Variants in EHMT1 observed in about 807,000 individuals in gnomAD.
The protein encoded by EHMT1 is histone-lysine N-methyltransferase EHMT1.
EHMT1 carries 15 observed loss-of-function variants against 147.2 expected under a neutral mutation model. The observed-to-expected ratio is 0.10, with a 90% confidence interval of 0.07 to 0.16. The LOEUF (loss-of-function observed/expected upper bound fraction) is 0.16, where lower values mean the gene tolerates loss of function less well. Among genes scored for constraint, EHMT1 ranks in the 10% least tolerant of loss-of-function variants. The pLI is 1.00. For synonymous variants in EHMT1, 795 were observed against 709.6 expected (o/e 1.12, Z -1.91); for missense variants, 1,587 against 1,772.4 (o/e 0.90, Z 1.88).
intron 3 of EHMT1, among the ~76,000 whole-genome samples, chr9:137,724,576 TCACA>T (rs1946405083): frequency 6.6e-6 from 1 of 152,252 alleles, no homozygotes; most frequent in Non-Finnish European, 1.5e-5. Flanking sequence ...AGAATTAGCC[TCACA>T]TGGCTATTTT....
intron 26 of EHMT1, 86 bp downstream of exon 26, chr9:137,834,610 C>G (rs1266177752): frequency 1.3e-6 from 2 of 1,598,770 alleles, no homozygotes; most frequent in East Asian, 4.5e-5. Flanking sequence ...CTGGGCTTGT[C>G]TCGGGTTTAT....
chr9:137,693,130 G>T (rs935745989), intron 1 of EHMT1, among the ~76,000 whole-genome samples: 29 of 152,248 alleles, frequency 1.9e-4, no homozygotes, highest in Admixed American at 1.8e-3. Flanking sequence ...TGTTAAACTC[G>T]TAGGGGAGAT....
chr9:137,817,191 G>T, intron 23 of EHMT1: 1 of 575,784 alleles, frequency 1.7e-6, no homozygotes, highest in Non-Finnish European at 3.1e-6. Flanking sequence ...TGGGGACACC[G>T]AGCCACGGCC....
At chr9:137,816,201 C>A in intron 23 of EHMT1, 139 bp downstream of exon 23, 1 of 765,878 alleles carries the variant, frequency 1.3e-6, no homozygotes, top group Admixed American at 2.0e-5. Flanking sequence ...CGACAAGTTA[C>A]CTGAGCCCTT....
At chr9:137,754,347 C>G in intron 8 of EHMT1, 56 bp downstream of exon 8, 1 of 1,607,394 alleles carries the variant, frequency 6.2e-7, no homozygotes. Context: ...GGGATGGTGC[C>G]AGGAGGCCCA....
chr9:137,743,123 G>T, intron 4 of EHMT1: 1 of 480,126 alleles, frequency 2.1e-6, no homozygotes, highest in Admixed American at 3.4e-5. Flanking sequence ...TGTTTGCTCC[G>T]TGTTTTGTTG....
At chr9:137,721,178 C>G (rs1363459382) in intron 3 of EHMT1, among the ~76,000 whole-genome samples, 1 of 145,204 alleles carries the variant, frequency 6.9e-6, no homozygotes, top group Non-Finnish European at 1.6e-5. Context: ...CACACTCACC[C>G]CCTCCCAGAC....
At chr9:137,727,561 CTTTTTACTGTGTA>C (rs955621897) in intron 3 of EHMT1, among the ~76,000 whole-genome samples, 20 of 152,188 alleles carry the variant, frequency 1.3e-4, no homozygotes, top group African/African-American at 4.3e-4. Flanking sequence ...TCGTTTAACA[CTTTTTACTGTGTA>C]TTTTTACTGT....
intron 18 of EHMT1, 119 bp from the exon 19 acceptor site, chr9:137,811,342 A>C: frequency 7.0e-7 from 1 of 1,418,726 alleles, no homozygotes; most frequent in Admixed American, 1.7e-5. Context: ...CCTGCTGCGG[A>C]CGGCCACGCA....
intron 8 of EHMT1, among the ~76,000 whole-genome samples, chr9:137,755,108 C>T (rs1438893816): frequency 6.6e-6 from 1 of 152,190 alleles, no homozygotes; most frequent in East Asian, 1.9e-4. Flanking sequence ...ATAAAATGCA[C>T]AGAAATAAAT....
intron 10 of EHMT1, among the ~76,000 whole-genome samples, chr9:137,767,060 C>A (rs1173510819): frequency 6.6e-6 from 1 of 152,160 alleles, no homozygotes; most frequent in East Asian, 1.9e-4. Context: ...TGGGCTCAAG[C>A]TATCCACCTG....
In EHMT1 at chr9:137,776,865, C is replaced by T. The variant is rs1413066392; in HGVS notation, c.2018+21C>T. The stretch of plus-strand genomic sequence containing the variant: ...GGCAGGTACCTGGCACAGGCTCTGG[C>T]TGGGCTCTCCAGTCGTCCACCTGAA... On this transcript the variant is annotated intron_variant, in intron 12 of 26. Coordinates refer to ENST00000460843, the MANE Select transcript of EHMT1 (RefSeq NM_024757.5). This position sits in a 1 kb window ranked among gnomAD's most constrained non-coding sequence, Gnocchi z 4.4. 1 of 1,611,328 alleles carries T rather than the reference C, an allele frequency of 6.2e-7. No homozygotes were observed. The highest frequency in any genetic ancestry group is 8.5e-7 in the Non-Finnish European group (1 of 1,178,348).
At chr9:137,699,388 T>C (rs997788914) in intron 1 of EHMT1, among the ~76,000 whole-genome samples, 11 of 152,072 alleles carry the variant, frequency 7.2e-5, no homozygotes, top group African/African-American at 2.7e-4. Flanking sequence ...GTTAAAAATG[T>C]TGGGCCAGGC....
At chr9:137,728,656 C>A in intron 4 of EHMT1, 127 bp downstream of exon 4, 2 of 1,299,172 alleles carry the variant, frequency 1.5e-6, no homozygotes, top group African/African-American at 1.5e-5. Context: ...TTGACGTCAG[C>A]TGGCCCTCCT....
chr9:137,728,204 C>T, intron 3 of EHMT1, 145 bp from the exon 4 acceptor site: 1 of 1,204,378 alleles, frequency 8.3e-7, no homozygotes, highest in Admixed American at 1.9e-5. Context: ...GCTGTTTCCG[C>T]TTGCAGACTT....
At position 137,731,705 on chromosome 9, in the gene EHMT1, C is replaced by T. The variant is rs1032048404; in HGVS notation, c.823+3176C>T. Reference sequence around the variant, plus strand: ...ACCTGCTGGGCTCATTCTGCCCACTCGGCCCAGCAGGCTGTACTTGGCTCA... The same window carrying T: ...ACCTGCTGGGCTCATTCTGCCCACTTGGCCCAGCAGGCTGTACTTGGCTCA... On this transcript the variant is annotated intron_variant, in intron 4 of 26. Coordinates refer to ENST00000460843, the MANE Select transcript of EHMT1 (RefSeq NM_024757.5). The surrounding 1 kb of genome is among the most constrained non-coding windows in gnomAD (Gnocchi z 4.3). 1.3e-5 allele frequency among the ~76,000 whole-genome samples: 2 copies of T among 152,178 alleles called. No homozygotes were observed. The highest frequency in any genetic ancestry group is 4.8e-5 in the African/African-American group (2 of 41,448).
intron 19 of EHMT1, among the ~76,000 whole-genome samples, chr9:137,812,697 C>G (rs1163036006): frequency 6.6e-6 from 1 of 152,250 alleles, no homozygotes; most frequent in African/African-American, 2.4e-5. Flanking sequence ...CCCTTCTTAT[C>G]CTTGAGGGTA....
At chr9:137,638,049 T>G (rs971863136) in intron 1 of EHMT1, 6 of 152,118 alleles carry the variant, frequency 3.9e-5, no homozygotes, top group Non-Finnish European at 8.8e-5. Context: ...GGGGTCATTT[T>G]TCTCTTTTTC....
chr9:137,821,606 G>A (rs1165794039), intron 25 of EHMT1, among the ~76,000 whole-genome samples: 3 of 152,090 alleles, frequency 2.0e-5, no homozygotes, highest in Middle Eastern at 3.4e-3. Flanking sequence ...CACTGGGATT[G>A]CAGGAGTGAG....
Sources: allele counts gnomAD v4.1 joint callset (sites outside exome capture counted in the v4.1 genomes callset), GRCh38; gene constraint gnomAD v4.1.1; non-coding constraint Gnocchi (gnomAD v3.1); transcripts MANE v1.5; gene names NCBI Gene and HGNC (gene_info 2026-07-23, HGNC 2026-07-21).